SGCD: variants seen among roughly 807,000 people sequenced by gnomAD.
SGCD encodes delta-sarcoglycan.
In SGCD, 18 loss-of-function variants were observed where a neutral mutation model predicts 36.6. The ratio of observed to expected loss-of-function variants is 0.49; its 90% CI spans 0.34 to 0.73. The LOEUF is 0.73. Among genes scored for constraint, SGCD ranks in the 30% least tolerant of loss-of-function variants. The pLI, the probability that SGCD is intolerant of heterozygous loss-of-function variation, is 0.01. For synonymous variants in SGCD, 133 were observed against 130.6 expected (o/e 1.02, Z -0.12); for missense variants, 387 against 346.7 (o/e 1.12, Z -0.92).
chr5:155,780,667 A>G, the SGCD span, among the ~76,000 whole-genome samples: 1 of 152,184 alleles, frequency 6.6e-6, no homozygotes, highest in Non-Finnish European at 1.5e-5. Context: ...CAGTTTCATT[A>G]GGTGCAAAGG....
chr5:156,507,089 A>G (rs530049642), intron 3 of SGCD, among the ~76,000 whole-genome samples: 1 of 152,344 alleles, frequency 6.6e-6, no homozygotes, highest in Admixed American at 6.5e-5. Context: ...AAAGATGTTC[A>G]TGTATAATCT....
At chr5:156,551,936 A>G (rs534858627) in intron 4 of SGCD, among the ~76,000 whole-genome samples, 37 of 152,286 alleles carry the variant, frequency 2.4e-4, no homozygotes, top group Non-Finnish European at 3.7e-4. Context: ...TTTCTAACCG[A>G]CCTGAAAAAA....
chr5:156,187,925 G>T (rs777641844), intron 3 of SGCD, among the ~76,000 whole-genome samples: 2 of 152,174 alleles, frequency 1.3e-5, no homozygotes, highest in African/African-American at 4.8e-5. Context: ...TGTGATCCAG[G>T]AGGTACAAGG....
intron 1 of SGCD, among the ~76,000 whole-genome samples, chr5:156,048,269 G>A (rs1759824036): frequency 6.6e-6 from 1 of 152,136 alleles, no homozygotes; most frequent in South Asian, 2.1e-4. Context: ...TGTGAATAGT[G>A]CCGCAATAAA....
intron 4 of SGCD, among the ~76,000 whole-genome samples, chr5:156,560,629 G>A (rs1759229355): frequency 6.6e-6 from 1 of 152,100 alleles, no homozygotes; most frequent in Admixed American, 6.6e-5. Context: ...AGGTAATATT[G>A]GATAATTGTT....
At chr5:155,942,195 A>G (rs1440843079) in intron 1 of SGCD, among the ~76,000 whole-genome samples, 1 of 152,204 alleles carries the variant, frequency 6.6e-6, no homozygotes, top group Non-Finnish European at 1.5e-5. Context: ...ACAAAAGCAA[A>G]CAAATTGGAG....
chr5:156,530,329 G>A (rs1757835066), intron 4 of SGCD, among the ~76,000 whole-genome samples: 1 of 152,152 alleles, frequency 6.6e-6, no homozygotes, highest in Non-Finnish European at 1.5e-5. Context: ...TCCTTAGGTG[G>A]TAGCTCATTA....
intron 3 of SGCD, among the ~76,000 whole-genome samples, chr5:156,208,755 G>A (rs774050859): frequency 6.6e-5 from 10 of 152,068 alleles, no homozygotes; most frequent in South Asian, 2.1e-4. Flanking sequence ...TCTTAGTTCC[G>A]TAAAGACAAA....
chr5:156,093,614 C>T (rs1761302538), intron 1 of SGCD, among the ~76,000 whole-genome samples: 2 of 152,162 alleles, frequency 1.3e-5, no homozygotes, highest in South Asian at 2.1e-4. Context: ...CCAGGTGGGC[C>T]ATGTCCCCAG....
intron 3 of SGCD, among the ~76,000 whole-genome samples, chr5:156,411,512 C>T (rs367814085): frequency 3.2e-4 from 48 of 152,324 alleles, no homozygotes; most frequent in African/African-American, 1.0e-3. Flanking sequence ...TGGAGCCAGA[C>T]GTGACTGGGC....
the SGCD span, among the ~76,000 whole-genome samples, chr5:155,776,431 T>C: frequency 6.6e-6 from 1 of 152,150 alleles, no homozygotes; most frequent in African/African-American, 2.4e-5. Flanking sequence ...AGACAATGTG[T>C]GTATGTATTG....
intron 4 of SGCD, among the ~76,000 whole-genome samples, chr5:156,532,130 A>G (rs572811925): frequency 1.7e-3 from 265 of 152,284 alleles, no homozygotes; most frequent in African/African-American, 5.8e-3. Flanking sequence ...AAATAAAAAA[A>G]GGTATGGACA....
chr5:156,673,467 A>T (rs762679987), intron 7 of SGCD, among the ~76,000 whole-genome samples: 6 of 152,336 alleles, frequency 3.9e-5, no homozygotes, highest in Middle Eastern at 3.4e-3. Context: ...AGGAAGGCCA[A>T]GTCCTCTTTT....
At chr5:156,512,792 C>G (rs987623379) in intron 4 of SGCD, among the ~76,000 whole-genome samples, 1 of 152,172 alleles carries the variant, frequency 6.6e-6, no homozygotes, top group Admixed American at 6.5e-5. Flanking sequence ...TACTTCCACA[C>G]CCATGTGCAT....
chr5:155,979,971 A>T (rs1034597460), intron 1 of SGCD, among the ~76,000 whole-genome samples: 1 of 152,110 alleles, frequency 6.6e-6, no homozygotes, highest in African/African-American at 2.4e-5. Context: ...AACACTCATG[A>T]GGGTTCCACC....
intron 1 of SGCD, among the ~76,000 whole-genome samples, chr5:156,005,608 A>G (rs1758746686): frequency 6.6e-6 from 1 of 151,970 alleles, no homozygotes; most frequent in Non-Finnish European, 1.5e-5. Context: ...CTGCCGCCGC[A>G]CCTGGCTAAT....
intron 6 of SGCD, among the ~76,000 whole-genome samples, chr5:156,613,726 G>T (rs1222248931): frequency 6.6e-6 from 1 of 152,208 alleles, no homozygotes; most frequent in African/African-American, 2.4e-5. Context: ...TGATTCCTAT[G>T]CGAACCACTG....
At position 156,617,263 on chromosome 5, in the gene SGCD, G is replaced by A. The variant is rs373582234; in HGVS notation, c.502+22212G>A. On this transcript the variant is annotated intron_variant, in intron 6 of 8. Transcript: ENST00000337851. ...GTAGTAAAAAGAAGCAGGGGAGAGC[G>A]TGCCCCTAAGTTGCAAGAATACTGT... Among the ~76,000 whole-genome samples, 14 of 152,272 alleles carry A rather than the reference G, an allele frequency of 9.2e-5. 1 individual carries two copies. The highest frequency in any genetic ancestry group is 7.7e-4 in the East Asian group (4 of 5,178).
At chr5:156,216,799 C>G (rs1425295126) in intron 3 of SGCD, among the ~76,000 whole-genome samples, 2 of 152,164 alleles carry the variant, frequency 1.3e-5, no homozygotes, top group Non-Finnish European at 2.9e-5. Context: ...ATGAATGTGG[C>G]CGGGCGTGGT....
Sources: allele counts gnomAD v4.1 joint callset (sites outside exome capture counted in the v4.1 genomes callset), GRCh38; gene constraint gnomAD v4.1.1; transcripts MANE v1.5; gene names NCBI Gene and HGNC (gene_info 2026-07-23, HGNC 2026-07-21).